XPO1: variants seen among roughly 807,000 people sequenced by gnomAD.
XPO1 encodes the protein exportin 1.
In XPO1, 5 loss-of-function variants were observed where a neutral mutation model predicts 133.3. That is an observed-to-expected ratio of 0.04 (90% CI 0.02 to 0.08). XPO1 has a LOEUF of 0.08. Among genes scored for constraint, XPO1 ranks in the 10% least tolerant of loss-of-function variants. The pLI is 1.00. For missense variants in XPO1, 506 were observed against 1,267.5 expected (o/e 0.40, Z 9.12); for synonymous variants, 419 against 408.2 (o/e 1.03, Z -0.32).
At chr2:61,485,589 T>C (rs913116182) in intron 20 of XPO1, 179 bp downstream of exon 20, 2 of 542,374 alleles carry the variant, frequency 3.7e-6, no homozygotes, top group Non-Finnish European at 6.0e-6. Flanking sequence ...CCCAGGTTGG[T>C]TTCAAACTCC....
chr2:61,523,935 T>C (rs988515682), intron 3 of XPO1, among the ~76,000 whole-genome samples: 2 of 152,190 alleles, frequency 1.3e-5, no homozygotes, highest in Non-Finnish European at 2.9e-5. Context: ...AAAGCAAAAT[T>C]CTAAAATTAC....
chr2:61,495,438 A>T lies in XPO1; in HGVS notation c.1047+17T>A. 6.7e-7 allele frequency: 1 copy of T among 1,500,642 alleles called. No homozygotes were observed. Among genetic ancestry groups the T allele is most frequent in the Non-Finnish European group, 8.9e-7 (1 of 1,118,660 alleles). The allele number at this position is 1,500,642 out of a possible 1,614,324, so 93.0% of individuals were successfully genotyped here. On this transcript the variant is annotated intron_variant, in intron 11 of 24. Transcript: ENST00000401558. ...GGCAGAGCAGAATTTTAGGAGCAAAAGCTCCACATATCTTACCTCCATAAG... is the reference window on the plus strand; with the variant it reads ...GGCAGAGCAGAATTTTAGGAGCAAATGCTCCACATATCTTACCTCCATAAG...
intron 11 of XPO1, chr2:61,494,864 C>T (rs1237070150): frequency 6.6e-6 from 1 of 150,958 alleles, no homozygotes; most frequent in Non-Finnish European, 1.5e-5. Flanking sequence ...TTCCTTCAGA[C>T]AGAGTCTTGC....
intron 4 of XPO1, 113 bp from the exon 5 acceptor site, chr2:61,502,423 T>C (rs1200627812): frequency 1.9e-6 from 2 of 1,031,476 alleles, no homozygotes; most frequent in Non-Finnish European, 2.9e-6. Flanking sequence ...AATCAGTTAA[T>C]ATACTCTAAT....
At chr2:61,504,199 TG>T (rs1697684704) in intron 4 of XPO1, among the ~76,000 whole-genome samples, 1 of 152,248 alleles carries the variant, frequency 6.6e-6, no homozygotes, top group Admixed American at 6.5e-5. Context: ...TCTTTACTTA[TG>T]GATCTCTTCA....
At chr2:61,514,503 G>T (rs984716042) in intron 4 of XPO1, among the ~76,000 whole-genome samples, 9 of 150,908 alleles carry the variant, frequency 6.0e-5, no homozygotes, top group Non-Finnish European at 1.3e-4. Flanking sequence ...TGAGGCAGGA[G>T]AATCGCTTGA....
chr2:61,509,811 T>A (rs528097552), intron 4 of XPO1, among the ~76,000 whole-genome samples: 1 of 152,278 alleles, frequency 6.6e-6, no homozygotes, highest in East Asian at 1.9e-4. Context: ...AGGCTTTTGA[T>A]ACACTATTAA....
At chr2:61,481,330 G>T in intron 23 of XPO1, 49 bp from the exon 24 acceptor site, 3 of 1,446,908 alleles carry the variant, frequency 2.1e-6, no homozygotes, top group East Asian at 2.4e-5. Context: ...TTTCCCCCGA[G>T]ACAGAGTATT....
At chr2:61,520,846 A>G (rs1292079341) in intron 4 of XPO1, among the ~76,000 whole-genome samples, 1 of 152,170 alleles carries the variant, frequency 6.6e-6, no homozygotes. Context: ...GTAAAATGGG[A>G]CAGAAGTAAA....
chr2:61,534,823 A>G (rs1405546794), intron 1 of XPO1: 4 of 152,184 alleles, frequency 2.6e-5, no homozygotes, highest in Non-Finnish European at 5.9e-5. Context: ...TACAGAAATA[A>G]CTTAGCTTCT....
At chr2:61,522,028 G>C (rs968629794) in intron 4 of XPO1, among the ~76,000 whole-genome samples, 6 of 152,032 alleles carry the variant, frequency 3.9e-5, no homozygotes, top group African/African-American at 1.4e-4. Flanking sequence ...GAAGTCCTGG[G>C]ATTACAGGCT....
In XPO1 at chr2:61,514,315, G is replaced by A. The variant is rs942902222; in HGVS notation, c.301+8296C>T. Among the ~76,000 whole-genome samples, 7 of 152,076 alleles carry A rather than the reference G, an allele frequency of 4.6e-5. No individual in the cohort carries two copies. In the South Asian group the frequency reaches 1.0e-3, roughly 22 times the overall value. On this transcript the variant is annotated intron_variant, in intron 4 of 24. Coordinates refer to ENST00000401558, the MANE Select transcript of XPO1 (RefSeq NM_003400.4). ...ACTACTCCACATGGAAATTAAGGCT[G>A]GGCGTGGTGGCTCATGCCTGTAATC...
chr2:61,516,484 A>G (rs1368706958), intron 4 of XPO1, among the ~76,000 whole-genome samples: 2 of 151,500 alleles, frequency 1.3e-5, no homozygotes, highest in Non-Finnish European at 2.9e-5. Context: ...GCGCGATCTC[A>G]GCTCACCGCG....
At chr2:61,511,717 A>G in intron 4 of XPO1, among the ~76,000 whole-genome samples, 1 of 151,510 alleles carries the variant, frequency 6.6e-6, no homozygotes. Context: ...TTTTTTTAGA[A>G]ATGAAAAACA....
At chr2:61,500,209 G>C (rs1056711531) in intron 6 of XPO1, among the ~76,000 whole-genome samples, 1 of 152,010 alleles carries the variant, frequency 6.6e-6, no homozygotes, top group African/African-American at 2.4e-5. Flanking sequence ...GAGGCCTTGC[G>C]CGGTTGCTCA....
chr2:61,528,887 A>G (rs1699034929), intron 2 of XPO1, among the ~76,000 whole-genome samples: 2 of 151,614 alleles, frequency 1.3e-5, no homozygotes, highest in South Asian at 4.2e-4. Context: ...TTGTATCTTT[A>G]AAGGTTGTTT....
At chr2:61,525,945 A>C (rs1698890260) in intron 3 of XPO1, 1 of 1,054,018 alleles carries the variant, frequency 9.5e-7, no homozygotes, top group African/African-American at 1.7e-5. Flanking sequence ...CAAACTTAAA[A>C]AAGGACCAGA....
At chr2:61,529,661 C>CA (rs1320045649) in intron 2 of XPO1, among the ~76,000 whole-genome samples, 1 of 143,292 alleles carries the variant, frequency 7.0e-6, no homozygotes, top group Non-Finnish European at 1.5e-5. Flanking sequence ...GACTCTGTCT[C>CA]ATTACAAAAA....
intron 12 of XPO1, 95 bp from the exon 13 acceptor site, chr2:61,493,148 AC>A: frequency 7.7e-7 from 1 of 1,301,306 alleles, no homozygotes; most frequent in Non-Finnish European, 1.0e-6. Context: ...AACCAAAAAA[AC>A]CACAAGCCAG....
Sources: allele counts gnomAD v4.1 joint callset (sites outside exome capture counted in the v4.1 genomes callset), GRCh38; gene constraint gnomAD v4.1.1; transcripts MANE v1.5; gene names NCBI Gene and HGNC (gene_info 2026-07-23, HGNC 2026-07-21).